The following SNX4 variants were observed in gnomAD, a reference collection of about 807,000 sequenced individuals.
SNX4 encodes the protein sorting nexin 4.
In SNX4, 49 loss-of-function variants were observed where a neutral mutation model predicts 70.8. The ratio of observed to expected loss-of-function variants is 0.69; its 90% CI spans 0.55 to 0.88. The LOEUF (loss-of-function observed/expected upper bound fraction) is 0.88, where lower values mean the gene tolerates loss of function less well. SNX4 is among the 40% of genes least tolerant of loss of function. The pLI, the probability that SNX4 is intolerant of heterozygous loss-of-function variation, is 0.00. For missense variants in SNX4, 528 were observed against 544.8 expected, an observed-to-expected ratio of 0.97 and a Z score of 0.31; for synonymous variants, 206 against 183.8, an observed-to-expected ratio of 1.12 and a Z score of -0.98.
intron 6 of SNX4, among the ~76,000 whole-genome samples, chr3:125,483,410 T>C (rs950069309): frequency 2.0e-4 from 31 of 152,160 alleles, no homozygotes; most frequent in African/African-American, 7.0e-4. Flanking sequence ...AATGTTTCTT[T>C]GTCAGCTTCC....
intron 9 of SNX4, among the ~76,000 whole-genome samples, chr3:125,464,397 T>C (rs2107532799): frequency 6.6e-6 from 1 of 152,118 alleles, no homozygotes; most frequent in South Asian, 2.1e-4. Flanking sequence ...TACAATTATG[T>C]GTATGAGCCG....
intron 5 of SNX4, among the ~76,000 whole-genome samples, chr3:125,491,547 T>G (rs914384654): frequency 6.6e-6 from 1 of 152,138 alleles, no homozygotes; most frequent in Non-Finnish European, 1.5e-5. Context: ...CAGGTCCATC[T>G]CCACACCCAA....
chr3:125,511,248 T>C (rs1935168849), intron 1 of SNX4, among the ~76,000 whole-genome samples: 1 of 152,218 alleles, frequency 6.6e-6, no homozygotes, highest in African/African-American at 2.4e-5. Flanking sequence ...ATAAACACAT[T>C]ATAAAAATAT....
chr3:125,484,761 G>A (rs1934485502), intron 6 of SNX4, among the ~76,000 whole-genome samples: 1 of 152,134 alleles, frequency 6.6e-6, no homozygotes, highest in South Asian at 2.1e-4. Context: ...GGAGGCCAAG[G>A]TGGGAGGATC....
intron 1 of SNX4, among the ~76,000 whole-genome samples, chr3:125,506,344 C>CTTTTTTTT (rs552693772): frequency 8.7e-5 from 12 of 137,732 alleles, no homozygotes; most frequent in African/African-American, 2.7e-4. Flanking sequence ...TTTTTCATTT[C>CTTTTTTTT]TTTTTTTTTT....
chr3:125,476,644 G>T, intron 8 of SNX4, 51 bp downstream of exon 8: 2 of 1,030,022 alleles, frequency 1.9e-6, no homozygotes, highest in Non-Finnish European at 3.0e-6. Context: ...ATTGTTTTCA[G>T]GCAAAAAGGT....
At chr3:125,468,826 G>A (rs901721589) in intron 9 of SNX4, among the ~76,000 whole-genome samples, 5 of 148,958 alleles carry the variant, frequency 3.4e-5, no homozygotes, top group Non-Finnish European at 7.4e-5. Context: ...TCCAGCCTGG[G>A]CAACAAAGTA....
chr3:125,453,568 CA>C (rs1307830267), intron 12 of SNX4, among the ~76,000 whole-genome samples: 1 of 151,838 alleles, frequency 6.6e-6, no homozygotes, highest in Admixed American at 6.6e-5. Context: ...AGGCTGGTCT[CA>C]AACTCCCAGG....
intron 1 of SNX4, among the ~76,000 whole-genome samples, chr3:125,511,954 G>A (rs1935182371): frequency 1.3e-5 from 2 of 152,112 alleles, no homozygotes; most frequent in African/African-American, 2.4e-5. Context: ...CAGGAAAAAT[G>A]AGGAAGAAGG....
rs573629554 is a variant in SNX4, at chr3:125,482,615, C to T, written c.654-2296G>A. Reference sequence around the variant, plus strand: ...TCTTCCAAAGTCCAAATCTATACCACCCCCTTGCTTTTAAGCAGCTTTCTA... The same window carrying T: ...TCTTCCAAAGTCCAAATCTATACCATCCCCTTGCTTTTAAGCAGCTTTCTA... On this transcript the variant is annotated intron_variant, in intron 6 of 13. Transcript: ENST00000251775. Among the ~76,000 whole-genome samples the T allele has an allele frequency of 3.9e-5, 6 of 152,090 alleles. No individual in the cohort carries two copies. The East Asian group carries it at 5.8e-4, about 15-fold the overall frequency.
At chr3:125,448,245 C>A (rs998616774) in intron 13 of SNX4, among the ~76,000 whole-genome samples, 1 of 151,798 alleles carries the variant, frequency 6.6e-6, no homozygotes, top group South Asian at 2.1e-4. Context: ...CCACCTCAGC[C>A]TGCCAAGTAG....
At chr3:125,506,553 C>T (rs1245990121) in intron 1 of SNX4, among the ~76,000 whole-genome samples, 11 of 144,244 alleles carry the variant, frequency 7.6e-5, no homozygotes, top group Non-Finnish European at 4.5e-5. Context: ...ATCGCCAGGT[C>T]GGAGTGCAGT....
rs1934602286 is a variant in SNX4 at position 125,489,391 on chromosome 3, T to C, written c.653+17A>G. The C allele has an allele frequency of 1.9e-6, 3 of 1,603,582 alleles. No individual in the cohort carries two copies. Among genetic ancestry groups the C allele is most frequent in the Admixed American group, 1.7e-5 (1 of 59,682 alleles). On this transcript the variant is annotated intron_variant, in intron 6 of 13. Transcript: ENST00000251775. The stretch of plus-strand genomic sequence containing the variant: ...ATTCAAAACAACATTGTAACTGTTA[T>C]TAAAACAAAACCTTACTTGTCTGGG...
At chr3:125,504,783 C>T (rs1210982953) in intron 1 of SNX4, 39 bp from the exon 2 acceptor site, 1 of 1,597,898 alleles carries the variant, frequency 6.3e-7, no homozygotes, top group Admixed American at 1.7e-5. Flanking sequence ...ACAACAAAAA[C>T]CTTTAAGATG....
chr3:125,508,553 C>T (rs1406478553), intron 1 of SNX4, among the ~76,000 whole-genome samples: 2 of 146,352 alleles, frequency 1.4e-5, no homozygotes, highest in Non-Finnish European at 3.0e-5. Context: ...GGCAACAGAG[C>T]GAGACTCTGT....
At chr3:125,481,253 C>A (rs1934403690) in intron 6 of SNX4, among the ~76,000 whole-genome samples, 1 of 152,130 alleles carries the variant, frequency 6.6e-6, no homozygotes, top group Non-Finnish European at 1.5e-5. Flanking sequence ...TCTTAGTTCT[C>A]CTCTTACTTG....
chr3:125,519,948 G>GGCCCGGCCCGGCCCAGCCCA lies in SNX4; in HGVS notation c.141+83_141+84insTGGGCTGGGCCGGGCCGGGC, dbSNP rs1396366108. The GGCCCGGCCCGGCCCAGCCCA allele has an allele frequency of 6.5e-6, 5 of 769,362 alleles. No homozygotes were observed. The African/African-American group carries it at 8.9e-5, about 14-fold the overall frequency. The allele number at this position is 769,362 out of a possible 1,614,324, so 47.7% of individuals were successfully genotyped here. A position where few individuals can be genotyped will look rare whatever the true frequency, so the allele number is the denominator to read the frequency against. The stretch of plus-strand genomic sequence containing the variant: ...TCGGCCGAGCCCACTGGCCCGGCCC[G>GGCCCGGCCCGGCCCAGCCCA]GCCCAGCCCAGCCCAGCCCAGCCCA... On this transcript the variant is annotated intron_variant, in intron 1 of 13. Transcript: ENST00000251775.
chr3:125,483,005 G>T (rs1026711437), intron 6 of SNX4, among the ~76,000 whole-genome samples: 4 of 152,024 alleles, frequency 2.6e-5, no homozygotes, highest in Non-Finnish European at 5.9e-5. Context: ...TCTCTGGGGA[G>T]GGGAAATGGA....
chr3:125,454,466 C>A (rs988332661), intron 11 of SNX4, among the ~76,000 whole-genome samples: 1 of 152,208 alleles, frequency 6.6e-6, no homozygotes, highest in South Asian at 2.1e-4. Context: ...CTCAGCACCC[C>A]CTGCCCTGGT....
Sources: gnomAD v4.1 joint callset for allele counts (sites outside exome capture counted in the v4.1 genomes callset) on GRCh38, gnomAD v4.1.1 for gene constraint, MANE v1.5 for transcripts, NCBI Gene and HGNC (gene_info 2026-07-23, HGNC 2026-07-21) for gene names.